NCALD: variants seen among roughly 807,000 people sequenced by gnomAD.
NCALD encodes neurocalcin-delta.
In NCALD, 10 loss-of-function variants were observed where a neutral mutation model predicts 18.6. The ratio of observed to expected loss-of-function variants is 0.54; its 90% confidence interval spans 0.33 to 0.91. The LOEUF is 0.91. Among genes scored for constraint, NCALD ranks in the 40% least tolerant of loss-of-function variants. NCALD has a pLI of 0.03. For synonymous variants in NCALD, 88 were observed against 87.4 expected, an observed-to-expected ratio of 1.01 and a Z score of -0.04; for missense variants, 184 against 247.6, an observed-to-expected ratio of 0.74 and a Z score of 1.72.
chr8:101,995,038 G>GT lies in NCALD; in HGVS notation c.-157+25198dup, dbSNP rs549466160. On this transcript the variant is annotated intron_variant, in intron 2 of 6. Transcript: ENST00000311028. ...ATGGTAGGATTTCAACAAAGTTATA[G>GT]TTTTTTTAAAAAGTTTGCTTCTTCT... Among the ~76,000 whole-genome samples the GT allele has an allele frequency of 2.9e-3, 447 of 152,240 alleles. 2 individuals carry two copies. Among genetic ancestry groups the GT allele is most frequent in the African/African-American group, 9.8e-3 (409 of 41,540 alleles).
chr8:101,804,574 ATAATTAATT>A (rs1813016672), intron 4 of NCALD, among the ~76,000 whole-genome samples: 1 of 121,896 alleles, frequency 8.2e-6, no homozygotes, highest in African/African-American at 3.3e-5. Flanking sequence ...TATAATTAAT[ATAATTAATT>A]ATATAATATA....
At chr8:101,957,220 C>T (rs1287373121) in intron 2 of NCALD, among the ~76,000 whole-genome samples, 2 of 134,494 alleles carry the variant, frequency 1.5e-5, no homozygotes, top group African/African-American at 5.6e-5. Flanking sequence ...GTTAGCATAA[C>T]AAGTAAGCTT....
intron 4 of NCALD, among the ~76,000 whole-genome samples, chr8:101,844,623 C>G (rs1056279113): frequency 6.6e-6 from 1 of 152,010 alleles, no homozygotes; most frequent in South Asian, 2.1e-4. Context: ...AGCCTCCCAA[C>G]GTGCTGGGAT....
chr8:101,780,663 A>G (rs1412496043), intron 1 of NCALD, among the ~76,000 whole-genome samples: 4 of 152,160 alleles, frequency 2.6e-5, no homozygotes, highest in African/African-American at 7.2e-5. Context: ...TTGCACAACA[A>G]TGCGAATGTA....
intron 1 of NCALD, among the ~76,000 whole-genome samples, chr8:102,078,079 C>T (rs1824405123): frequency 1.3e-5 from 2 of 152,076 alleles, no homozygotes; most frequent in African/African-American, 4.8e-5. Context: ...TTCTCTCCTC[C>T]CTCACCCCCA....
intron 1 of NCALD, among the ~76,000 whole-genome samples, chr8:102,120,234 A>T (rs756312901): frequency 3.3e-5 from 5 of 152,158 alleles, no homozygotes; most frequent in Non-Finnish European, 5.9e-5. Context: ...CCAGGGGCTC[A>T]TCTCTTGGTG....
chr8:101,786,397 G>A (rs974938029), intron 1 of NCALD, among the ~76,000 whole-genome samples: 1 of 152,096 alleles, frequency 6.6e-6, no homozygotes, highest in African/African-American at 2.4e-5. Flanking sequence ...ATAAATGTTC[G>A]CCAATTGAGT....
chr8:101,691,594 A>T (rs955628443), intron 3 of NCALD: 2 of 985,304 alleles, frequency 2.0e-6, no homozygotes, highest in African/African-American at 3.5e-5. Context: ...AAGTTAATTA[A>T]CTATTAAAAT....
intron 2 of NCALD, among the ~76,000 whole-genome samples, chr8:101,939,419 G>A (rs1304778249): frequency 6.6e-6 from 1 of 152,186 alleles, no homozygotes; most frequent in East Asian, 1.9e-4. Flanking sequence ...ACATGAACCC[G>A]TGGCAAGCAT....
intron 4 of NCALD, among the ~76,000 whole-genome samples, chr8:101,843,447 C>A (rs914348045): frequency 7.0e-6 from 1 of 143,726 alleles, no homozygotes; most frequent in Non-Finnish European, 1.6e-5. Context: ...CATGTGCATG[C>A]ACACACACAC....
chr8:101,695,219 G>A (rs191917098), intron 2 of NCALD, among the ~76,000 whole-genome samples: 51 of 152,340 alleles, frequency 3.3e-4, no homozygotes, highest in Non-Finnish European at 5.3e-4. Flanking sequence ...AGCTGTTTCA[G>A]GAGTTGCAGA....
At chr8:102,114,387 T>G (rs181153348) in intron 1 of NCALD, among the ~76,000 whole-genome samples, 3 of 152,182 alleles carry the variant, frequency 2.0e-5, no homozygotes, top group Admixed American at 2.0e-4. Flanking sequence ...ACCAGAAAAC[T>G]AAAGAGGCTG....
At position 101,894,772 on chromosome 8, in the gene NCALD, A is replaced by C. The variant is rs184469728; in HGVS notation, c.-106-7545T>G. 2.6e-3 allele frequency among the ~76,000 whole-genome samples: 397 copies of C among 151,400 alleles called. 11 individuals are homozygous for C. Among genetic ancestry groups the C allele is most frequent in the South Asian group, 0.011 (54 of 4,814 alleles). On this transcript the variant is annotated intron_variant, in intron 3 of 6. Coordinates refer to the NCALD transcript ENST00000311028. ...AAACTAGAAAATCTAGAAGAAATGG[A>C]TAAATTCCTCAACACATACACTCTC...
At chr8:102,102,447 A>C (rs569957990) in intron 1 of NCALD, among the ~76,000 whole-genome samples, 5 of 152,214 alleles carry the variant, frequency 3.3e-5, no homozygotes, top group Non-Finnish European at 7.3e-5. Flanking sequence ...GTTATGGCAC[A>C]TGCGTCAGAG....
chr8:101,830,978 T>C lies in NCALD; in HGVS notation c.-20+56163A>G, dbSNP rs545637672. Among the ~76,000 whole-genome samples the C allele has an allele frequency of 4.6e-5, 7 of 152,202 alleles. No individual in the cohort carries two copies. In the South Asian group the frequency reaches 1.5e-3, roughly 32 times the overall value. On this transcript the variant is annotated intron_variant, in intron 4 of 6. Transcript: ENST00000311028. ...ATATGCAGGAAGTGAAGAAGCAAGC[T>C]GAGGGCACTTGGATCCTCTGAAAAG...
At chr8:102,091,025 A>G (rs970034483) in intron 1 of NCALD, among the ~76,000 whole-genome samples, 7 of 152,142 alleles carry the variant, frequency 4.6e-5, no homozygotes, top group Admixed American at 2.0e-4. Flanking sequence ...TCACTTTCTA[A>G]CAGGCCCAGG....
chr8:102,017,552 G>A (rs557670813), intron 2 of NCALD, among the ~76,000 whole-genome samples: 19 of 152,190 alleles, frequency 1.2e-4, no homozygotes, highest in Admixed American at 7.9e-4. Flanking sequence ...AAAATTAGCC[G>A]GGTGTGGTGG....
intron 2 of NCALD, among the ~76,000 whole-genome samples, chr8:101,972,274 G>C (rs766906853): frequency 6.6e-6 from 1 of 152,206 alleles, no homozygotes; most frequent in African/African-American, 2.4e-5. Context: ...CCCAAGCTTT[G>C]TGGTCAGGCA....
chr8:102,077,782 A>G (rs1423721200), intron 1 of NCALD, among the ~76,000 whole-genome samples: 2 of 151,948 alleles, frequency 1.3e-5, no homozygotes, highest in Non-Finnish European at 2.9e-5. Context: ...CTGGAATTTG[A>G]CCTCTTACCT....
Sources: gnomAD v4.1 joint callset for allele counts (sites outside exome capture counted in the v4.1 genomes callset) on GRCh38, gnomAD v4.1.1 for gene constraint, MANE v1.5 for transcripts, NCBI Gene and HGNC (gene_info 2026-07-23, HGNC 2026-07-21) for gene names.